CSF1R: variants seen among roughly 807,000 people sequenced by gnomAD.
CSF1R encodes colony stimulating factor 1 receptor.
A neutral mutation model predicts 110.0 loss-of-function variants in CSF1R; 40 were observed. The ratio of observed to expected loss-of-function variants is 0.36; its 90% CI spans 0.28 to 0.47. CSF1R has a LOEUF of 0.47. Ranked by LOEUF, CSF1R falls within the 20% of genes least tolerant of loss-of-function variation. The pLI, the probability that CSF1R is intolerant of heterozygous loss-of-function variation, is 0.99. For synonymous variants in CSF1R, 523 were observed against 503.4 expected, an observed-to-expected ratio of 1.04 and a Z score of -0.52; for missense variants, 1,052 against 1,253.0, an observed-to-expected ratio of 0.84 and a Z score of 2.42.
At chr5:150,101,860 C>T (rs1444930421) in intron 1 of CSF1R, among the ~76,000 whole-genome samples, 1 of 152,086 alleles carries the variant, frequency 6.6e-6, no homozygotes, top group African/African-American at 2.4e-5. Context: ...CATCTGTCCA[C>T]CCATCCATCC....
chr5:150,059,764 C>A lies in CSF1R; in HGVS notation c.2068G>T (p.Gly690Cys), dbSNP rs141866247. The A allele has an allele frequency of 6.2e-7, 1 of 1,614,078 alleles. No individual in the cohort carries two copies. The highest frequency in any genetic ancestry group is 1.3e-5 in the African/African-American group (1 of 75,034). Residue 690 changes from glycine (G) to cysteine (C), a missense_variant, in exon 14 of 21, where the codon GGC becomes TGC. Physicochemically the swap from Gly to Cys is radical, Grantham distance 159. Transcript: ENST00000675795. ...EAMLGPSLSPGQDPEGGVDYK... is the reference protein window; with the variant it reads ...EAMLGPSLSPCQDPEGGVDYK... ...TCGACGCCTCCCTCGGGGTCCTGGCCGGGGCTCAGGCTGGGTCCCAGCATG... is the reference window on the plus strand; with the variant it reads ...TCGACGCCTCCCTCGGGGTCCTGGCAGGGGCTCAGGCTGGGTCCCAGCATG...
At chr5:150,068,411 C>A in intron 9 of CSF1R, 81 bp from the exon 10 acceptor site, 1 of 885,726 alleles carries the variant, frequency 1.1e-6, no homozygotes, top group Admixed American at 2.1e-5. Flanking sequence ...CTGCCTGGAA[C>A]ACAGTGGGTG....
chr5:150,083,394 A>ACACACTG (rs1554104291), intron 1 of CSF1R, among the ~76,000 whole-genome samples: 1 of 146,760 alleles, frequency 6.8e-6, no homozygotes, highest in Non-Finnish European at 1.5e-5. Flanking sequence ...ACACACACAC[A>ACACACTG]CACACACTGC....
At chr5:150,057,057 C>T (rs1250377262) in intron 16 of CSF1R, among the ~76,000 whole-genome samples, 1 of 152,070 alleles carries the variant, frequency 6.6e-6, no homozygotes, top group Non-Finnish European at 1.5e-5. Context: ...AGCCTGGTAC[C>T]CTTCCTCATC....
At chr5:150,079,899 A>C (rs1159548628) in intron 3 of CSF1R, among the ~76,000 whole-genome samples, 153 bp downstream of exon 3, 1 of 152,158 alleles carries the variant, frequency 6.6e-6, no homozygotes, top group Admixed American at 6.5e-5. Context: ...CCTGCCCCAT[A>C]GATGATCGTG....
Position 150,094,663 on chromosome 5 carries a change from C to T in CSF1R, c.-180-8056G>A, listed in dbSNP as rs1412807504. The T allele has an allele frequency of 7.6e-6, 12 of 1,572,642 alleles. No homozygotes were observed. The East Asian group carries it at 2.2e-4, about 29-fold the overall frequency. On this transcript the variant is annotated intron_variant, in intron 1 of 21. Coordinates refer to the CSF1R transcript ENST00000286301. ...CGCCTTCGTCAAATCTTCAATGGAA[C>T]CTTTGTGAAGCTCAACAAGGCTTCG...
At chr5:150,074,129 C>T (rs1206199109) in intron 5 of CSF1R, among the ~76,000 whole-genome samples, 2 of 152,148 alleles carry the variant, frequency 1.3e-5, no homozygotes, top group South Asian at 2.1e-4. Flanking sequence ...GAAAGCCTTC[C>T]TGGCAGGGCT....
At chr5:150,056,764 A>G (rs929782028) in intron 16 of CSF1R, among the ~76,000 whole-genome samples, 7 of 152,140 alleles carry the variant, frequency 4.6e-5, no homozygotes, top group African/African-American at 1.7e-4. Flanking sequence ...GCCCATTTTT[A>G]TAGGTGTAGA....
chr5:150,100,912 T>C (rs1759383743), intron 1 of CSF1R, among the ~76,000 whole-genome samples: 1 of 152,200 alleles, frequency 6.6e-6, no homozygotes, highest in Non-Finnish European at 1.5e-5. Context: ...CGCACAATTA[T>C]ACGCATGCTT....
intron 15 of CSF1R, 45 bp from the exon 16 acceptor site, chr5:150,057,429 C>T: frequency 6.2e-7 from 1 of 1,610,714 alleles, no homozygotes; most frequent in Non-Finnish European, 8.5e-7. Flanking sequence ...ACACTCCCCA[C>T]CCCTCACCCC....
chr5:150,077,408 G>T lies in CSF1R; in HGVS notation c.757C>A (p.His253Asn). 6.2e-7 allele frequency: 1 copy of T among 1,613,612 alleles called. No homozygotes were observed. Among genetic ancestry groups the T allele is most frequent in the Non-Finnish European group, 8.5e-7 (1 of 1,179,502 alleles). The change falls in exon 5 of 21, where the codon CAT becomes AAT. Residue 253 changes from histidine to asparagine, a missense_variant. This residue lies in a region of CSF1R where 693 missense variants were observed against 735.4 expected (regional missense o/e 0.94). Coordinates refer to ENST00000675795, the MANE Select transcript of CSF1R (RefSeq NM_001288705.3). The stretch of plus-strand genomic sequence containing the variant: ...AGGACTTTTTGGTAACGGTTATTAT[G>T]AAAGTCAGATTGTTGAGGGATTGCG... The part of the protein sequence containing the change: ...KLAIPQQSDF[H>N]NNRYQKVLTL...
intron 6 of CSF1R, 123 bp from the exon 7 acceptor site, chr5:150,070,694 C>T (rs1238144481): frequency 9.3e-6 from 6 of 644,052 alleles, no homozygotes; most frequent in Middle Eastern, 3.9e-4. Context: ...CAGGGCCCAA[C>T]GGCCTTGGGT....
intron 4 of CSF1R, among the ~76,000 whole-genome samples, chr5:150,077,878 C>T (rs958889747): frequency 6.6e-6 from 1 of 152,104 alleles, no homozygotes; most frequent in African/African-American, 2.4e-5. Flanking sequence ...GACAGAGAAC[C>T]ACCTCCCCCC....
intron 1 of CSF1R, among the ~76,000 whole-genome samples, chr5:150,097,409 AAG>A (rs1759261980): frequency 6.6e-6 from 1 of 151,934 alleles, no homozygotes; most frequent in African/African-American, 2.4e-5. Flanking sequence ...AGAAGAAAGA[AAG>A]AAAAAAGAAA....
chr5:150,066,858 ACC>A (rs1460787407), intron 10 of CSF1R, among the ~76,000 whole-genome samples: 3 of 151,640 alleles, frequency 2.0e-5, no homozygotes, highest in Non-Finnish European at 4.4e-5. Context: ...AACCCTTCAG[ACC>A]CCCAACCCCA....
chr5:150,060,962 A>C lies in CSF1R; in HGVS notation c.1869T>G (p.His623Gln). The change falls in exon 13 of 21, where the codon CAT becomes CAG. Residue 623 changes from histidine (H) to glutamine (Q), a missense_variant. His to Gln is a conservative substitution (Grantham distance 24, BLOSUM62 0). Transcript: ENST00000675795. ...VAVKMLKSTA[H>Q]ADEKEALMSE... ...ACATGAGGGCCTCCTTCTCATCAGC[A>C]TGGGCCGTGGCTGGGAGGAAGAACC... The C allele has an allele frequency of 6.2e-7, 1 of 1,600,736 alleles. No homozygotes were observed. Among genetic ancestry groups the C allele is most frequent in the Non-Finnish European group, 8.5e-7 (1 of 1,173,036 alleles).
At chr5:150,077,883 C>G (rs1758343215) in intron 4 of CSF1R, among the ~76,000 whole-genome samples, 1 of 151,854 alleles carries the variant, frequency 6.6e-6, no homozygotes, top group Non-Finnish European at 1.5e-5. Context: ...AGAACCACCT[C>G]CCCCCACCCA....
chr5:150,064,891 C>T (rs1450043781), intron 10 of CSF1R, among the ~76,000 whole-genome samples: 6 of 152,224 alleles, frequency 3.9e-5, no homozygotes, highest in African/African-American at 1.4e-4. Context: ...CCCAGGGCAC[C>T]TGTGCCATCC....
chr5:150,061,342 A>T, intron 12 of CSF1R, 149 bp downstream of exon 12: 1 of 693,088 alleles, frequency 1.4e-6, no homozygotes. Flanking sequence ...CCTGGAGCTC[A>T]CAAGAAAACC....
Sources: gnomAD v4.1 joint callset for allele counts (sites outside exome capture counted in the v4.1 genomes callset) on GRCh38, gnomAD v4.1.1 for gene constraint, gnomAD v4.1.1 regional missense constraint, MANE v1.5 for transcripts, NCBI Gene and HGNC (gene_info 2026-07-23, HGNC 2026-07-21) for gene names.